Variants in SHROOM3 observed in about 807,000 individuals in gnomAD.
The protein encoded by SHROOM3 is protein Shroom3.
Under a neutral mutation model 138.6 loss-of-function variants are expected in SHROOM3, and 47 were observed. The ratio of observed to expected loss-of-function variants is 0.34; its 90% CI spans 0.27 to 0.43. The LOEUF (loss-of-function observed/expected upper bound fraction) is 0.43. Among genes scored for constraint, SHROOM3 ranks in the 20% least tolerant of loss-of-function variants. The probability of loss-of-function intolerance (pLI) is 1.00; values close to 1 mark genes in which losing one functional copy is unlikely to be tolerated. For synonymous variants in SHROOM3, 1,062 were observed against 1,063.3 expected (o/e 1.00, Z 0.02); for missense variants, 2,491 against 2,596.5 (o/e 0.96, Z 0.88).
At chr4:76,468,367 A>G (rs917858143) in intron 1 of SHROOM3, among the ~76,000 whole-genome samples, 9 of 152,190 alleles carry the variant, frequency 5.9e-5, no homozygotes, top group African/African-American at 1.9e-4. Context: ...GAAATACTCA[A>G]TGTACACAGT....
chr4:76,602,690 G>A (rs184644674), intron 2 of SHROOM3, among the ~76,000 whole-genome samples: 45 of 152,300 alleles, frequency 3.0e-4, no homozygotes, highest in African/African-American at 1.0e-3. Context: ...AAATGTGAAT[G>A]TATCTCCAGA....
intron 1 of SHROOM3, among the ~76,000 whole-genome samples, chr4:76,482,355 C>T (rs181077199): frequency 6.6e-6 from 1 of 152,098 alleles, no homozygotes; most frequent in Non-Finnish European, 1.5e-5. Flanking sequence ...TTCCTATATA[C>T]CAATAATAGA....
At chr4:76,566,382 C>T (rs936618440) in intron 2 of SHROOM3, among the ~76,000 whole-genome samples, 26 of 151,978 alleles carry the variant, frequency 1.7e-4, no homozygotes, top group Non-Finnish European at 3.4e-4. Flanking sequence ...GGAACCAATC[C>T]CCCATGAATG....
chr4:76,657,285 C>T (rs1236712690), intron 2 of SHROOM3, among the ~76,000 whole-genome samples: 5 of 151,996 alleles, frequency 3.3e-5, no homozygotes, highest in East Asian at 1.9e-4. Context: ...TATGTAAGGC[C>T]GTTGATAGAT....
intron 2 of SHROOM3, among the ~76,000 whole-genome samples, chr4:76,610,754 CT>C (rs1426045444): frequency 6.6e-6 from 1 of 152,180 alleles, no homozygotes; most frequent in Admixed American, 6.5e-5. Context: ...GCCGTTACCC[CT>C]CTCCAGATCT....
At chr4:76,520,509 G>A (rs1345074709) in intron 1 of SHROOM3, among the ~76,000 whole-genome samples, 1 of 152,126 alleles carries the variant, frequency 6.6e-6, no homozygotes, top group East Asian at 1.9e-4. Context: ...GGCCCAGAAA[G>A]GTTGCATAAT....
chr4:76,466,096 G>T (rs2109978733), intron 1 of SHROOM3, among the ~76,000 whole-genome samples: 1 of 152,316 alleles, frequency 6.6e-6, no homozygotes, highest in East Asian at 1.9e-4. Context: ...GTTATAAAGT[G>T]TTAATGTGTC....
At chr4:76,538,686 C>A (rs56311704) in intron 1 of SHROOM3, among the ~76,000 whole-genome samples, 4,858 of 152,248 alleles carry the variant, frequency 0.032, 278 homozygotes, top group African/African-American at 0.11. Context: ...AGGGCCTACT[C>A]TACTTTTCCT....
At chr4:76,561,388 G>T (rs1733592959) in intron 2 of SHROOM3, among the ~76,000 whole-genome samples, 1 of 152,148 alleles carries the variant, frequency 6.6e-6, no homozygotes. Context: ...CCTAAAATAT[G>T]TATATGCCAG....
At chr4:76,453,493 T>A (rs897456970) in intron 1 of SHROOM3, among the ~76,000 whole-genome samples, 1 of 152,100 alleles carries the variant, frequency 6.6e-6, no homozygotes, top group African/African-American at 2.4e-5. Flanking sequence ...TTGCCCAGGC[T>A]GGTCTCGAAC....
At chr4:76,751,714 A>C (rs1721627812) in intron 6 of SHROOM3, among the ~76,000 whole-genome samples, 1 of 152,246 alleles carries the variant, frequency 6.6e-6, no homozygotes, top group Non-Finnish European at 1.5e-5. Flanking sequence ...CATTGAAAAG[A>C]TGCTCAACAC....
intron 2 of SHROOM3, among the ~76,000 whole-genome samples, chr4:76,709,476 A>G (rs1720161320): frequency 6.6e-6 from 1 of 152,212 alleles, no homozygotes; most frequent in South Asian, 2.1e-4. Context: ...CCCATGGCGG[A>G]ACACATTGGC....
rs577800882 is a variant in SHROOM3 at position 76,748,587 on chromosome 4, A to G, written c.3754-430A>G. Among the ~76,000 whole-genome samples, 7 of 152,328 alleles carry G rather than the reference A, an allele frequency of 4.6e-5. No homozygotes were observed. The South Asian group carries it at 1.4e-3, about 32-fold the overall frequency. On this transcript the variant is annotated intron_variant, in intron 5 of 10. Coordinates refer to ENST00000296043, the MANE Select transcript of SHROOM3 (RefSeq NM_020859.4). ...CTAATTGTAACTAGGAACATTTGAG[A>G]TTTTTGCAAAATGTAATAGACTGTC... is the stretch of plus-strand genomic sequence containing the variant.
At chr4:76,633,256 G>A (rs923665312) in intron 2 of SHROOM3, among the ~76,000 whole-genome samples, 1 of 146,578 alleles carries the variant, frequency 6.8e-6, no homozygotes, top group Non-Finnish European at 1.5e-5. Flanking sequence ...CATGAGAATC[G>A]CTTGAATCTG....
chr4:76,614,418 G>A (rs1263948230), intron 2 of SHROOM3, among the ~76,000 whole-genome samples: 1 of 152,116 alleles, frequency 6.6e-6, no homozygotes, highest in African/African-American at 2.4e-5. Context: ...TGGAGGACTC[G>A]TGCCCCATCT....
intron 8 of SHROOM3, among the ~76,000 whole-genome samples, chr4:76,758,957 T>G (rs764962146): frequency 2.4e-4 from 36 of 152,184 alleles, no homozygotes; most frequent in Non-Finnish European, 8.8e-5. Context: ...CCCTATTATA[T>G]TATCAATGAG....
chr4:76,582,276 G>A (rs1358061132), intron 2 of SHROOM3, among the ~76,000 whole-genome samples: 1 of 152,036 alleles, frequency 6.6e-6, no homozygotes, highest in Non-Finnish European at 1.5e-5. Flanking sequence ...AGTTTAAATG[G>A]CTATGCCCTA....
intron 1 of SHROOM3, among the ~76,000 whole-genome samples, chr4:76,449,305 C>T (rs1231102691): frequency 6.6e-6 from 1 of 152,104 alleles, no homozygotes; most frequent in Non-Finnish European, 1.5e-5. Context: ...TCTTACTCAA[C>T]TTATACTACA....
chr4:76,458,683 A>T (rs1731082466), intron 1 of SHROOM3, among the ~76,000 whole-genome samples: 1 of 152,240 alleles, frequency 6.6e-6, no homozygotes, highest in Non-Finnish European at 1.5e-5. Flanking sequence ...ATTGAGATAT[A>T]AATCAAATGC....
Sources: gnomAD v4.1 joint callset for allele counts (sites outside exome capture counted in the v4.1 genomes callset) on GRCh38, gnomAD v4.1.1 for gene constraint, MANE v1.5 for transcripts, NCBI Gene and HGNC (gene_info 2026-07-23, HGNC 2026-07-21) for gene names.